The following ASAH1 variants were observed in gnomAD, a reference collection of about 807,000 sequenced individuals.
The protein encoded by ASAH1 is N-acylsphingosine amidohydrolase 1.
Under a neutral mutation model 59.5 loss-of-function variants are expected in ASAH1, and 70 were observed. The observed-to-expected ratio is 1.18, with a 90% confidence interval of 0.97 to 1.43. ASAH1 has a LOEUF of 1.43. Among genes scored for constraint, ASAH1 ranks in the 40% most tolerant of loss-of-function variants. ASAH1 has a pLI of 0.00. For synonymous variants in ASAH1, 213 were observed against 166.5 expected, an observed-to-expected ratio of 1.28 and a Z score of -2.15; for missense variants, 660 against 482.5, an observed-to-expected ratio of 1.37 and a Z score of -3.45.
intron 1 of ASAH1, among the ~76,000 whole-genome samples, chr8:18,079,272 C>CAA (rs1358072778): frequency 2.9e-5 from 2 of 70,020 alleles, no homozygotes; most frequent in Admixed American, 1.4e-4. Flanking sequence ...GACTCCATCT[C>CAA]AGAAAAAAAA....
intron 12 of ASAH1, 30 bp downstream of exon 12, chr8:18,059,311 T>C: frequency 6.2e-7 from 1 of 1,614,060 alleles, no homozygotes; most frequent in Non-Finnish European, 8.5e-7. Flanking sequence ...TGGCAACAGT[T>C]TCTTTCTATA....
intron 1 of ASAH1, among the ~76,000 whole-genome samples, chr8:18,080,344 C>G (rs549729717): frequency 1.3e-5 from 2 of 152,282 alleles, no homozygotes; most frequent in East Asian, 3.9e-4. Context: ...AGATTTATTA[C>G]GCAGAGCAGC....
intron 2 of ASAH1, among the ~76,000 whole-genome samples, chr8:18,072,149 C>T (rs1464625342): frequency 6.6e-6 from 1 of 152,122 alleles, no homozygotes; most frequent in Non-Finnish European, 1.5e-5. Flanking sequence ...TATTTTCTGG[C>T]CCTGGTTACT....
At chr8:18,077,720 T>G (rs1470185009) in intron 1 of ASAH1, among the ~76,000 whole-genome samples, 1 of 152,230 alleles carries the variant, frequency 6.6e-6, no homozygotes, top group Admixed American at 6.5e-5. Flanking sequence ...CGAATACAAT[T>G]TAGGTAATCC....
At chr8:18,070,423 C>T (rs571022743) in intron 3 of ASAH1, among the ~76,000 whole-genome samples, 11 of 152,178 alleles carry the variant, frequency 7.2e-5, no homozygotes, top group Admixed American at 3.9e-4. Flanking sequence ...GCTGGGATTA[C>T]AGGCATGAGC....
intron 13 of ASAH1, 184 bp downstream of exon 13, chr8:18,058,651 A>G: frequency 1.6e-6 from 1 of 617,648 alleles, no homozygotes; most frequent in Non-Finnish European, 2.9e-6. Flanking sequence ...AGCCTCAGTG[A>G]TCAATTTCTT....
chr8:18,061,625 T>C, intron 9 of ASAH1, 61 bp downstream of exon 9: 1 of 1,535,462 alleles, frequency 6.5e-7, no homozygotes, highest in Non-Finnish European at 8.9e-7. Context: ...GAAGGCACAG[T>C]CCAGCCTTCC....
intron 2 of ASAH1, among the ~76,000 whole-genome samples, chr8:18,072,739 T>C (rs1449469461): frequency 1.3e-5 from 2 of 152,234 alleles, no homozygotes; most frequent in Non-Finnish European, 2.9e-5. Context: ...TAAGTAATTA[T>C]TGTTCCCCAT....
At chr8:18,084,389 T>G (rs1800806311), upstream of ASAH1, 1 of 1,397,922 alleles carries the variant, frequency 7.2e-7, no homozygotes, top group Non-Finnish European at 9.3e-7. Flanking sequence ...GCCCCGTAGG[T>G]GGGGCCGGGA....
In ASAH1 at chr8:18,075,638, G is replaced by A. The variant is rs374593929; in HGVS notation, c.79-51C>T. 432 of 1,550,486 alleles carry A rather than the reference G, an allele frequency of 2.8e-4. No homozygotes were observed. In the Middle Eastern group the frequency reaches 3.2e-3, roughly 12 times the overall value. ...CAGAAAATAACAAATGCTTGCCAAC[G>A]GAATAAGCAATTTCAAAAGTAGTTA... On this transcript the variant is annotated intron_variant, in intron 1 of 13. Coordinates refer to ENST00000637790, the MANE Select transcript of ASAH1 (RefSeq NM_177924.5).
At chr8:18,064,117 A>C in intron 6 of ASAH1, 1 of 474,126 alleles carries the variant, frequency 2.1e-6, no homozygotes, top group Non-Finnish European at 3.7e-6. Context: ...AGATGTCATG[A>C]CATACACGAA....
chr8:18,067,123 ACATACAGCAC>A, intron 5 of ASAH1, 87 bp downstream of exon 5: 1 of 554,788 alleles, frequency 1.8e-6, no homozygotes, highest in South Asian at 5.3e-5. Context: ...TATATCTAAG[ACATACAGCAC>A]CTGTGCTGTA....
At chr8:18,084,897 G>C, upstream of ASAH1, 2 of 1,523,036 alleles carry the variant, frequency 1.3e-6, no homozygotes, top group East Asian at 2.4e-5. Flanking sequence ...TCGGCAGGGG[G>C]ACTCGCTTGG....
At chr8:18,061,169 T>C (rs1799681862) in intron 10 of ASAH1, 2 of 464,934 alleles carry the variant, frequency 4.3e-6, no homozygotes, top group Admixed American at 6.7e-5. Flanking sequence ...GTATCCCTAG[T>C]GCTTTTTAAG....
At chr8:18,069,446 A>T (rs1236356146) in intron 4 of ASAH1, 2 of 225,548 alleles carry the variant, frequency 8.9e-6, no homozygotes, top group African/African-American at 4.6e-5. Context: ...TCTACAAAAA[A>T]AAAATCTCTG....
At position 18,071,397 on chromosome 8, in the gene ASAH1, T is replaced by C. The variant is rs771021569; in HGVS notation, c.126-7A>G. The C allele has an allele frequency of 6.5e-6, 10 of 1,547,118 alleles. No homozygotes were observed. In the Admixed American group the frequency reaches 1.0e-4, roughly 16 times the overall value. ...TGGAACTGCACCTCTGTACCTGTAA[T>C]GAGAGGTGTATCATCTTGAAATGAT... On this transcript the variant is annotated splice_region_variant and splice_polypyrimidine_tract_variant and intron_variant, in intron 2 of 13. Coordinates refer to ENST00000637790, the MANE Select transcript of ASAH1 (RefSeq NM_177924.5).
chr8:18,071,436 G>C (rs377177164), intron 2 of ASAH1, 46 bp from the exon 3 acceptor site: 45 of 1,198,786 alleles, frequency 3.8e-5, no homozygotes, highest in Non-Finnish European at 5.0e-5. Flanking sequence ...AGGGTTTTTT[G>C]TGAGGGTCAG....
Position 18,057,604 on chromosome 8 carries a change from A to G in ASAH1, c.1118T>C (p.Leu373Ser), listed in dbSNP as rs1318749093. ...VLNKLTVYTT[L>S]IDVTKGQFET... ...GAATTGACCTTTGGTAACATCTATC[A>G]AGGTTGTGTATACGGTCAGCTGAAA... The change falls in exon 14 of 14, where the codon TTG becomes TCG. Residue 373 changes from leucine to serine, a missense_variant. By Grantham distance (145) the Leu-to-Ser change is moderately radical. Transcript: ENST00000637790. The G allele has an allele frequency of 6.2e-7, 1 of 1,602,690 alleles. No individual in the cohort carries two copies. The highest frequency in any genetic ancestry group is 8.5e-7 in the Non-Finnish European group (1 of 1,172,610).
intron 1 of ASAH1, chr8:18,076,588 A>C (rs765752940): frequency 1.6e-4 from 25 of 152,244 alleles, no homozygotes; most frequent in Non-Finnish European, 2.9e-4. Context: ...AGTTCTGTGA[A>C]AGTAAAATAA....
Sources: allele counts gnomAD v4.1 joint callset (sites outside exome capture counted in the v4.1 genomes callset), GRCh38; gene constraint gnomAD v4.1.1; transcripts MANE v1.5; gene names NCBI Gene and HGNC (gene_info 2026-07-23, HGNC 2026-07-21).